The following TRPM1 variants were observed in gnomAD, a reference collection of about 807,000 sequenced individuals.
TRPM1 encodes the protein transient receptor potential cation channel subfamily M member 1, also known as TRPM1-203 APA Isoform, Intron 10.
In TRPM1, 113 loss-of-function variants were observed where a neutral mutation model predicts 149.4. The observed-to-expected ratio is 0.76, with a 90% confidence interval of 0.65 to 0.88. The LOEUF (loss-of-function observed/expected upper bound fraction) is 0.88. Among genes scored for constraint, TRPM1 ranks in the 40% least tolerant of loss-of-function variants. TRPM1 has a pLI of 0.00. For synonymous variants in TRPM1, 741 were observed against 759.5 expected (o/e 0.98, Z 0.40); for missense variants, 1,976 against 2,038.7 (o/e 0.97, Z 0.59).
At chr15:31,048,299 C>T (rs2033841151) in intron 13 of TRPM1, among the ~76,000 whole-genome samples, 1 of 152,010 alleles carries the variant, frequency 6.6e-6, no homozygotes, top group South Asian at 2.1e-4. Flanking sequence ...AAGTTTTTTT[C>T]TTGAACTCTT....
At chr15:31,011,995 A>G (rs1233751442) in intron 27 of TRPM1, among the ~76,000 whole-genome samples, 1 of 152,138 alleles carries the variant, frequency 6.6e-6, no homozygotes, top group Non-Finnish European at 1.5e-5. Context: ...ATATACACAA[A>G]GTTTACTCTT....
At chr15:31,122,392 C>T (rs932368950) in intron 1 of TRPM1, among the ~76,000 whole-genome samples, 7 of 152,138 alleles carry the variant, frequency 4.6e-5, no homozygotes, top group African/African-American at 1.4e-4. Flanking sequence ...AGGAATAAAA[C>T]TGTCTTTGCT....
chr15:31,002,023 C>G lies in TRPM1; in HGVS notation c.4677G>C (p.Val1559=). 6.2e-7 allele frequency: 1 copy of G among 1,614,188 alleles called. No individual in the cohort carries two copies. The highest frequency in any genetic ancestry group is 1.1e-5 in the South Asian group (1 of 91,084). ...DRNGMENLLS[V]KPDQTLGFPS... ...GGAATCCCAAAGTTTGATCTGGCTT[C>G]ACAGACAGTAAGTTTTCCATCCCAT... The change falls in exon 28 of 28, where the codon GTG becomes GTC. Residue 1559 remains valine (V), a synonymous_variant. Transcript: ENST00000256552.
chr15:31,089,222 C>T (rs2035142387), intron 1 of TRPM1, among the ~76,000 whole-genome samples: 1 of 152,180 alleles, frequency 6.6e-6, no homozygotes. Flanking sequence ...AATTCTCTGA[C>T]CATGTGGCCA....
chr15:31,080,775 C>T (rs1160425658), intron 2 of TRPM1, among the ~76,000 whole-genome samples: 2 of 147,116 alleles, frequency 1.4e-5, no homozygotes, highest in Non-Finnish European at 3.0e-5. Context: ...CCCACACTTT[C>T]CCTGGCAGCC....
intron 17 of TRPM1, among the ~76,000 whole-genome samples, chr15:31,041,662 T>A (rs2033621813): frequency 2.0e-5 from 3 of 152,176 alleles, no homozygotes; most frequent in African/African-American, 4.8e-5. Flanking sequence ...TGTTTCCCTA[T>A]GGAAATTAAT....
At chr15:31,129,873 A>G (rs907437134) in intron 1 of TRPM1, among the ~76,000 whole-genome samples, 26 of 152,310 alleles carry the variant, frequency 1.7e-4, no homozygotes, top group African/African-American at 6.3e-4. Flanking sequence ...AGAAGAGAGA[A>G]TATGTGAAAT....
intron 4 of TRPM1, 45 bp downstream of exon 4, chr15:31,069,986 G>A (rs1283010473): frequency 1.2e-6 from 2 of 1,614,136 alleles, no homozygotes; most frequent in Admixed American, 1.7e-5. Flanking sequence ...GGCCGCCAAT[G>A]AAAGCTGTGA....
At position 31,026,164 on chromosome 15, in the gene TRPM1, C is replaced by T. The variant is rs1476697737; in HGVS notation, c.3604G>A (p.Glu1202Lys). ...KEDEQQSSSD[E>K]RIRVTSERVE... is the part of the protein sequence containing the mutation. ...CTTTCAGAAGTGACCCGGATGCGCTCGTCGCTGGACGACTGCTGCTCATCC... is the reference window on the plus strand; with the variant it reads ...CTTTCAGAAGTGACCCGGATGCGCTTGTCGCTGGACGACTGCTGCTCATCC... The change falls in exon 27 of 28, where the codon GAG becomes AAG. Residue 1202 changes from glutamate to lysine, a missense_variant. Physicochemically the swap from Glu to Lys is moderately conservative, Grantham distance 56. Around this residue, in one of 3 missense-constraint regions of TRPM1, gnomAD observed 572 missense variants for 578.9 expected, o/e 0.99. Transcript: ENST00000256552. The T allele has an allele frequency of 1.9e-6, 3 of 1,611,968 alleles. No homozygotes were observed. Among genetic ancestry groups the T allele is most frequent in the Non-Finnish European group, 1.7e-6 (2 of 1,180,024 alleles).
intron 3 of TRPM1, among the ~76,000 whole-genome samples, chr15:31,073,852 C>T (rs2140973004): frequency 6.6e-6 from 1 of 152,118 alleles, no homozygotes; most frequent in East Asian, 1.9e-4. Context: ...TATAGCTGTT[C>T]TTTATCGGGT....
chr15:31,083,845 C>G (rs1323151797), intron 1 of TRPM1, among the ~76,000 whole-genome samples: 1 of 152,218 alleles, frequency 6.6e-6, no homozygotes, highest in Non-Finnish European at 1.5e-5. Flanking sequence ...TCAGTCCCAT[C>G]TTGTGGAACG....
intron 1 of TRPM1, among the ~76,000 whole-genome samples, 190 bp downstream of exon 1, chr15:31,101,467 C>G (rs76428167): frequency 6.6e-6 from 1 of 152,354 alleles, no homozygotes; most frequent in Non-Finnish European, 1.5e-5. Context: ...CCCCAGAAAG[C>G]ACACCTGAGC....
At chr15:31,091,402 C>T (rs1386996557) in intron 1 of TRPM1, among the ~76,000 whole-genome samples, 2 of 152,246 alleles carry the variant, frequency 1.3e-5, no homozygotes, top group South Asian at 2.1e-4. Context: ...TGGGGACCAG[C>T]GTGCACATGT....
intron 1 of TRPM1, among the ~76,000 whole-genome samples, chr15:31,125,457 G>T (rs900009428): frequency 6.6e-6 from 1 of 152,084 alleles, no homozygotes; most frequent in African/African-American, 2.4e-5. Context: ...GCGGCCGGGC[G>T]CAGTGGCTTA....
chr15:31,152,978 A>T (rs762785772), intron 1 of TRPM1, among the ~76,000 whole-genome samples: 1 of 152,212 alleles, frequency 6.6e-6, no homozygotes, highest in African/African-American at 2.4e-5. Flanking sequence ...TAGCAATAAG[A>T]CACTAAATTC....
intron 18 of TRPM1, among the ~76,000 whole-genome samples, chr15:31,039,454 G>A (rs897728898): frequency 1.5e-4 from 23 of 152,090 alleles, no homozygotes; most frequent in African/African-American, 4.6e-4. Flanking sequence ...AGTGTAACTC[G>A]TATAGTCTTT....
At chr15:31,085,081 A>T (rs549131748) in intron 1 of TRPM1, among the ~76,000 whole-genome samples, 12 of 152,180 alleles carry the variant, frequency 7.9e-5, no homozygotes, top group African/African-American at 2.9e-4. Context: ...GTGGGAGGGG[A>T]TACAGACTTT....
At chr15:31,039,771 G>A (rs775491300) in intron 18 of TRPM1, among the ~76,000 whole-genome samples, 17 of 152,100 alleles carry the variant, frequency 1.1e-4, no homozygotes, top group Admixed American at 5.9e-4. Context: ...GTGGGTAGAC[G>A]ACCCAACCAG....
At chr15:31,074,917 C>T (rs2034650564) in intron 3 of TRPM1, among the ~76,000 whole-genome samples, 1 of 152,086 alleles carries the variant, frequency 6.6e-6, no homozygotes, top group Admixed American at 6.5e-5. Context: ...AACCTTCTGA[C>T]ATTTTCTTTA....
Sources: allele counts gnomAD v4.1 joint callset (sites outside exome capture counted in the v4.1 genomes callset), GRCh38; gene constraint gnomAD v4.1.1; regional missense constraint gnomAD v4.1.1; transcripts MANE v1.5; gene names NCBI Gene and HGNC (gene_info 2026-07-23, HGNC 2026-07-21).